Variants in LMO2 observed in about 807,000 individuals in gnomAD.
The protein encoded by LMO2 is LIM domain only 2.
Under a neutral mutation model 23.2 loss-of-function variants are expected in LMO2, and 20 were observed. That is an observed-to-expected ratio of 0.86 (90% CI 0.61 to 1.25). The LOEUF (loss-of-function observed/expected upper bound fraction) is 1.25. LMO2 is among the 50% of genes most tolerant of loss of function. The pLI is 0.00. For synonymous variants in LMO2, 123 were observed against 130.2 expected (o/e 0.94, Z 0.38); for missense variants, 270 against 315.3 (o/e 0.86, Z 1.09).
rs1276420049 is a variant in LMO2, at chr11:33,864,176, A to C, written c.464+426T>G. Among the ~76,000 whole-genome samples the C allele has an allele frequency of 6.6e-6, 1 of 152,200 alleles. No homozygotes were observed. Among genetic ancestry groups the C allele is most frequent in the Non-Finnish European group, 1.5e-5 (1 of 68,032 alleles). On this transcript the variant is annotated intron_variant, in intron 5 of 5. Coordinates refer to ENST00000257818, the MANE Select transcript of LMO2 (RefSeq NM_005574.4). This position sits in a 1 kb window ranked among gnomAD's most constrained non-coding sequence, Gnocchi z 4.8. ...TATAATACTGGAGTCATACAAAAAA[A>C]ATTTATAACATACATATATGTTCTG... is the stretch of plus-strand genomic sequence containing the variant.
At chr11:33,875,044 T>G (rs920705480) in intron 2 of LMO2, among the ~76,000 whole-genome samples, 1 of 152,208 alleles carries the variant, frequency 6.6e-6, no homozygotes, top group Admixed American at 6.5e-5. Flanking sequence ...ACCTCCCTAG[T>G]GGGTGTCACC....
intron 1 of LMO2, among the ~76,000 whole-genome samples, chr11:33,886,215 G>A (rs1263734206): frequency 6.6e-6 from 1 of 152,196 alleles, no homozygotes; most frequent in Non-Finnish European, 1.5e-5. Context: ...GGAGATATAG[G>A]CTGACATCTG....
At chr11:33,869,316 G>A (rs1183932610) in intron 4 of LMO2, 30 bp downstream of exon 4, 1 of 1,166,056 alleles carries the variant, frequency 8.6e-7, no homozygotes. Context: ...TGGACACCGG[G>A]GGTGGCAGGG....
Position 33,869,417 on chromosome 11 carries a change from G to A in LMO2, c.177C>T (p.Pro59=). ...AGQPRATKGA[P]PPPGTPPPSP... Reference sequence around the variant, plus strand: ...AGGGAGGCGGGGTGCCGGGCGGCGGGGGCGCTCCCTTTGTGGCGCGGGGCT... The same window carrying A: ...AGGGAGGCGGGGTGCCGGGCGGCGGAGGCGCTCCCTTTGTGGCGCGGGGCT... The change falls in exon 4 of 6, where the codon CCC becomes CCT. Residue 59 remains proline (P), a synonymous_variant. Coordinates refer to ENST00000257818, the MANE Select transcript of LMO2 (RefSeq NM_005574.4). 6 of 1,201,142 alleles carry A rather than the reference G, an allele frequency of 5.0e-6. No individual in the cohort carries two copies. In the African/African-American group the frequency reaches 6.4e-5, roughly 13 times the overall value. The allele number at this position is 1,201,142 out of a possible 1,614,324, so 74.4% of individuals were successfully genotyped here.
intron 2 of LMO2, among the ~76,000 whole-genome samples, chr11:33,877,397 C>T (rs1474265556): frequency 6.6e-6 from 1 of 151,098 alleles, no homozygotes; most frequent in Non-Finnish European, 1.5e-5. Context: ...GGCACTGAGC[C>T]TGGCAGGGGA....
At chr11:33,884,285 T>C (rs1042520572) in intron 1 of LMO2, among the ~76,000 whole-genome samples, 8 of 151,916 alleles carry the variant, frequency 5.3e-5, no homozygotes, top group Admixed American at 4.6e-4. Flanking sequence ...TGGGGGAAGA[T>C]TAATTTTGAG....
At chr11:33,870,380 T>C (rs889971890) in intron 2 of LMO2, 32 of 985,424 alleles carry the variant, frequency 3.2e-5, no homozygotes, top group Non-Finnish European at 3.5e-5. Context: ...TTTCCGCCCG[T>C]CCCAGGTTCG....
At chr11:33,866,733 C>A (rs1372457429) in intron 4 of LMO2, among the ~76,000 whole-genome samples, 2 of 152,206 alleles carry the variant, frequency 1.3e-5, no homozygotes, top group East Asian at 1.9e-4. Context: ...GCAACCTCCA[C>A]CTCCTGGGTT....
intron 1 of LMO2, among the ~76,000 whole-genome samples, chr11:33,888,745 C>T (rs1277983223): frequency 1.3e-5 from 2 of 152,208 alleles, no homozygotes; most frequent in East Asian, 3.8e-4. Flanking sequence ...GTGTCTGTCT[C>T]CCCCTCTCAA....
intron 4 of LMO2, among the ~76,000 whole-genome samples, chr11:33,869,024 C>T (rs1188290477): frequency 6.6e-6 from 1 of 152,252 alleles, no homozygotes; most frequent in Non-Finnish European, 1.5e-5. Context: ...ACTGCACCTG[C>T]GCGCCTCCAG....
intron 5 of LMO2, among the ~76,000 whole-genome samples, chr11:33,861,530 T>A (rs1333612059): frequency 1.3e-5 from 2 of 152,196 alleles, no homozygotes; most frequent in Non-Finnish European, 2.9e-5. Context: ...AACTCATTAC[T>A]GGGGGGAGAA....
intron 5 of LMO2, among the ~76,000 whole-genome samples, chr11:33,859,779 A>G (rs113388111): frequency 2.6e-5 from 4 of 152,220 alleles, no homozygotes; most frequent in African/African-American, 9.6e-5. Flanking sequence ...TGGATCTGGC[A>G]TAACTCCTCC....
chr11:33,874,362 T>TG (rs1347765816), intron 2 of LMO2, among the ~76,000 whole-genome samples: 2 of 152,220 alleles, frequency 1.3e-5, no homozygotes. Context: ...CTGCGTGATC[T>TG]GGGGGAATTT....
At chr11:33,869,645 C>T in intron 3 of LMO2, 59 bp from the exon 4 acceptor site, 3 of 1,254,126 alleles carry the variant, frequency 2.4e-6, no homozygotes, top group Non-Finnish European at 3.0e-6. Flanking sequence ...GCGGCCGAGG[C>T]GGGGGCCGGG....
rs12276914 is a variant in LMO2, at chr11:33,887,659, C to T, written c.-336+4136G>A. On this transcript the variant is annotated intron_variant, in intron 1 of 5. Coordinates refer to ENST00000257818, the MANE Select transcript of LMO2 (RefSeq NM_005574.4). ...TTCTGAGTTCAGGTGATCCTCCCAC[C>T]TCAACCTCCCAAGCAGCTGTGTGTG... Among the ~76,000 whole-genome samples the T allele has an allele frequency of 5.7e-3, 870 of 151,850 alleles. 10 individuals carry two copies. Among genetic ancestry groups the T allele is most frequent in the African/African-American group, 0.019 (797 of 41,430 alleles).
chr11:33,877,324 G>A (rs1424463605), intron 2 of LMO2, among the ~76,000 whole-genome samples: 2 of 152,158 alleles, frequency 1.3e-5, no homozygotes, highest in Non-Finnish European at 2.9e-5. Context: ...TGGAGGAAGT[G>A]GGGAGGATGA....
At chr11:33,874,982 T>C (rs1857102299) in intron 2 of LMO2, among the ~76,000 whole-genome samples, 1 of 152,260 alleles carries the variant, frequency 6.6e-6, no homozygotes. Context: ...GGAAGGGGCC[T>C]GAGAAGTGGG....
At chr11:33,869,022 T>TG (rs1368033270) in intron 4 of LMO2, among the ~76,000 whole-genome samples, 1 of 152,264 alleles carries the variant, frequency 6.6e-6, no homozygotes, top group Non-Finnish European at 1.5e-5. Context: ...GGACTGCACC[T>TG]GCGCGCCTCC....
intron 2 of LMO2, 81 bp from the exon 3 acceptor site, chr11:33,870,068 TCC>T (rs1305824101): frequency 1.6e-5 from 7 of 445,874 alleles, no homozygotes; most frequent in Non-Finnish European, 2.1e-5. Flanking sequence ...CCTTTTTTCT[TCC>T]TTTTTTTTTT....
Sources: gnomAD v4.1 joint callset for allele counts (sites outside exome capture counted in the v4.1 genomes callset) on GRCh38, gnomAD v4.1.1 for gene constraint, Gnocchi (gnomAD v3.1) non-coding constraint, MANE v1.5 for transcripts, NCBI Gene and HGNC (gene_info 2026-07-23, HGNC 2026-07-21) for gene names.